KCNJ15: variants seen among roughly 807,000 people sequenced by gnomAD.
The protein encoded by KCNJ15 is ATP-sensitive inward rectifier potassium channel 15.
KCNJ15 carries 14 observed loss-of-function variants against 23.0 expected under a neutral mutation model. The ratio of observed to expected loss-of-function variants is 0.61; its 90% confidence interval spans 0.40 to 0.95. KCNJ15 has a LOEUF of 0.95. KCNJ15 is among the 40% of genes least tolerant of loss of function. The pLI is 0.00. For missense variants in KCNJ15, 388 were observed against 461.8 expected (o/e 0.84, Z 1.46); for synonymous variants, 185 against 183.2 (o/e 1.01, Z -0.08).
intron 1 of KCNJ15, among the ~76,000 whole-genome samples, chr21:38,262,361 T>A (rs1981003250): frequency 6.6e-6 from 1 of 152,178 alleles, no homozygotes; most frequent in Admixed American, 6.5e-5. Context: ...TTTTATATTG[T>A]CAGAAGTTTG....
chr21:38,276,868 G>A (rs2836269), intron 1 of KCNJ15, among the ~76,000 whole-genome samples: 35,087 of 151,868 alleles, frequency 0.23, 4,323 homozygotes, highest in East Asian at 0.35. Context: ...AATCATTTCA[G>A]TATGCATTCT....
intron 1 of KCNJ15, among the ~76,000 whole-genome samples, chr21:38,273,644 T>C (rs1374093128): frequency 2.6e-5 from 4 of 152,224 alleles, no homozygotes. Flanking sequence ...TATTTTAAAA[T>C]CAGAATGGTC....
chr21:38,247,445 GATGGATGTATGGATGA>G (rs1436342141), intron 1 of KCNJ15, among the ~76,000 whole-genome samples: 26 of 151,804 alleles, frequency 1.7e-4, no homozygotes, highest in Admixed American at 4.6e-4. Context: ...TGCATAGGTG[GATGGATGTATGGATGA>G]ATGGATGTAT....
intron 1 of KCNJ15, among the ~76,000 whole-genome samples, chr21:38,240,068 T>A (rs912735427): frequency 2.3e-4 from 35 of 152,364 alleles, no homozygotes; most frequent in African/African-American, 8.2e-4. Flanking sequence ...AATAGTTTGA[T>A]AGTTGTACTT....
chr21:38,241,242 T>C (rs1978972857), intron 1 of KCNJ15, among the ~76,000 whole-genome samples: 1 of 152,236 alleles, frequency 6.6e-6, no homozygotes, highest in Non-Finnish European at 1.5e-5. Flanking sequence ...GTTTGCGCTT[T>C]GGTAAGATTT....
intron 1 of KCNJ15, among the ~76,000 whole-genome samples, chr21:38,262,169 A>G (rs931828332): frequency 6.6e-6 from 1 of 152,192 alleles, no homozygotes; most frequent in African/African-American, 2.4e-5. Context: ...TAAAGGACAA[A>G]TTTGAAAAGT....
intron 1 of KCNJ15, among the ~76,000 whole-genome samples, chr21:38,282,790 T>A (rs1983493229): frequency 6.6e-6 from 1 of 152,088 alleles, no homozygotes; most frequent in African/African-American, 2.4e-5. Flanking sequence ...CTGTGCCCAG[T>A]CTATGGGGAA....
chr21:38,260,111 T>C (rs867440723), intron 1 of KCNJ15, among the ~76,000 whole-genome samples: 1 of 152,216 alleles, frequency 6.6e-6, no homozygotes. Flanking sequence ...TGACTTAGTT[T>C]CTCTCCCTCT....
At chr21:38,270,870 T>A (rs548413718) in intron 1 of KCNJ15, among the ~76,000 whole-genome samples, 1 of 152,270 alleles carries the variant, frequency 6.6e-6, no homozygotes, top group Non-Finnish European at 1.5e-5. Context: ...TTTAAGGGAG[T>A]GTGTAACTGT....
At chr21:38,288,959 G>A (rs1569011784) in intron 1 of KCNJ15, among the ~76,000 whole-genome samples, 1 of 152,134 alleles carries the variant, frequency 6.6e-6, no homozygotes, top group Non-Finnish European at 1.5e-5. Flanking sequence ...CATCACTTTG[G>A]GAGGCGGAGG....
Position 38,266,470 on chromosome 21 carries a change from AT to A in KCNJ15, c.-117+9293del, listed in dbSNP as rs369914248. ...ATGTCCCTGCAAAGGACATGAACTT[AT>A]TTTTTTTATGGCTGCATAGTATTCC... On this transcript the variant is annotated intron_variant, in intron 1 of 2. Coordinates refer to ENST00000398938, the MANE Select transcript of KCNJ15 (RefSeq NM_170736.3). Among the ~76,000 whole-genome samples, 48 of 152,006 alleles carry A rather than the reference AT, an allele frequency of 3.2e-4. 1 individual carries two copies. The highest frequency in any genetic ancestry group is 9.7e-4 in the African/African-American group (40 of 41,444).
chr21:38,235,484 G>T (rs891626993), intron 1 of KCNJ15, among the ~76,000 whole-genome samples: 3 of 152,154 alleles, frequency 2.0e-5, no homozygotes, highest in African/African-American at 7.2e-5. Context: ...AACCTGGGAG[G>T]TGGAGGTTGC....
chr21:38,236,606 T>C (rs1388265538), intron 1 of KCNJ15, among the ~76,000 whole-genome samples: 1 of 152,220 alleles, frequency 6.6e-6, no homozygotes, highest in Non-Finnish European at 1.5e-5. Flanking sequence ...AAATCTACTG[T>C]AGACTGATTT....
chr21:38,302,812 A>G lies in KCNJ15; in HGVS notation c.*2423A>G, dbSNP rs975879073. On this transcript the variant is annotated 3_prime_UTR_variant, in exon 3 of 3. Coordinates refer to ENST00000398938, the MANE Select transcript of KCNJ15 (RefSeq NM_170736.3). ...AAAATTTTGTATTGTCATTTAGCAT[A>G]TCAATTTCAGCCAAATTTGGAAGAC... is the stretch of plus-strand genomic sequence containing the variant. 6.6e-5 allele frequency: 10 copies of G among 152,234 alleles called. No individual in the cohort carries two copies. In the South Asian group the frequency reaches 8.3e-4, roughly 13 times the overall value. 9.4% of individuals were successfully genotyped at this position (152,234 alleles called of 1,614,324 possible). A position where few individuals can be genotyped will look rare whatever the true frequency, so the allele number is the denominator to read the frequency against.
intron 1 of KCNJ15, among the ~76,000 whole-genome samples, chr21:38,234,809 G>A (rs2063359131): frequency 6.6e-6 from 1 of 152,136 alleles, no homozygotes; most frequent in Non-Finnish European, 1.5e-5. Context: ...TTTTTACAAT[G>A]TTTTATATTT....
chr21:38,268,493 A>G (rs1337926481), intron 1 of KCNJ15, among the ~76,000 whole-genome samples: 1 of 139,872 alleles, frequency 7.1e-6, no homozygotes, highest in Admixed American at 7.6e-5. Context: ...AACAACACAC[A>G]GTTTGGAAAC....
At chr21:38,288,795 C>T (rs889794411) in intron 1 of KCNJ15, among the ~76,000 whole-genome samples, 3 of 152,196 alleles carry the variant, frequency 2.0e-5, no homozygotes, top group Admixed American at 6.5e-5. Flanking sequence ...TCTCAAGCAT[C>T]TTCTTATGTC....
intron 1 of KCNJ15, among the ~76,000 whole-genome samples, chr21:38,281,978 T>C (rs1399172098): frequency 6.6e-6 from 1 of 152,196 alleles, no homozygotes; most frequent in Non-Finnish European, 1.5e-5. Flanking sequence ...TGTGAGATGA[T>C]AACTCTTCGT....
chr21:38,253,656 A>G (rs1254439138), upstream of KCNJ15, among the ~76,000 whole-genome samples: 1 of 152,172 alleles, frequency 6.6e-6, no homozygotes, highest in Non-Finnish European at 1.5e-5. Flanking sequence ...TTATGTCTTG[A>G]TTCAAGCCAA....
Sources: gnomAD v4.1 joint callset for allele counts (sites outside exome capture counted in the v4.1 genomes callset) on GRCh38, gnomAD v4.1.1 for gene constraint, MANE v1.5 for transcripts, NCBI Gene and HGNC (gene_info 2026-07-23, HGNC 2026-07-21) for gene names.